MAGI2: variants seen among roughly 807,000 people sequenced by gnomAD.
The protein encoded by MAGI2 is membrane-associated guanylate kinase, WW and PDZ domain-containing protein 2.
MAGI2 carries 35 observed loss-of-function variants against 133.3 expected under a neutral mutation model. The observed-to-expected ratio is 0.26, with a 90% CI of 0.20 to 0.35. The LOEUF (loss-of-function observed/expected upper bound fraction) is 0.35, where lower values mean the gene tolerates loss of function less well. Among genes scored for constraint, MAGI2 ranks in the 10% least tolerant of loss-of-function variants. The pLI is 1.00. For synonymous variants in MAGI2, 729 were observed against 710.6 expected, an observed-to-expected ratio of 1.03 and a Z score of -0.41; for missense variants, 1,636 against 1,863.4, an observed-to-expected ratio of 0.88 and a Z score of 2.25.
intron 10 of MAGI2, among the ~76,000 whole-genome samples, chr7:78,224,711 T>C (rs1314224508): frequency 4.7e-5 from 7 of 149,178 alleles, no homozygotes; most frequent in East Asian, 4.0e-4. Context: ...TTTTTTTTTT[T>C]CACCAAATAG....
chr7:79,125,319 G>A, intron 1 of MAGI2: 1 of 463,100 alleles, frequency 2.2e-6, no homozygotes, highest in Non-Finnish European at 4.2e-6. Context: ...CCAGAGGTTG[G>A]CATGGTTCTG....
intron 1 of MAGI2, among the ~76,000 whole-genome samples, chr7:79,355,510 A>G (rs1841966511): frequency 6.6e-6 from 1 of 152,218 alleles, no homozygotes. Context: ...TTAAATTATA[A>G]CTACATTTAA....
At chr7:78,100,170 C>T (rs3807737) in intron 20 of MAGI2, among the ~76,000 whole-genome samples, 53,932 of 151,942 alleles carry the variant, frequency 0.35, 11,100 homozygotes, top group African/African-American at 0.58. Flanking sequence ...TACTTTGCGT[C>T]GCTTCCCACT....
chr7:79,219,127 C>A lies in MAGI2; in HGVS notation c.302-211921G>T, dbSNP rs185106232. Among the ~76,000 whole-genome samples the A allele has an allele frequency of 2.0e-3, 309 of 152,112 alleles. 2 individuals carry two copies. Among genetic ancestry groups the A allele is most frequent in the African/African-American group, 7.1e-3 (292 of 41,418 alleles). ...TGGTGTATTAGATGAGTTATTTCTACAATATTTAGAACACTGACTGGTATA... is the reference window on the plus strand; with the variant it reads ...TGGTGTATTAGATGAGTTATTTCTAAAATATTTAGAACACTGACTGGTATA... On this transcript the variant is annotated intron_variant, in intron 1 of 21. Transcript: ENST00000354212.
chr7:79,023,236 A>G (rs1244629102), intron 1 of MAGI2, among the ~76,000 whole-genome samples: 2 of 152,170 alleles, frequency 1.3e-5, no homozygotes, highest in East Asian at 3.9e-4. Context: ...ACAGAAAACA[A>G]CATGATTATA....
intron 1 of MAGI2, among the ~76,000 whole-genome samples, chr7:79,303,549 A>G (rs1837539859): frequency 6.6e-6 from 1 of 152,182 alleles, no homozygotes; most frequent in African/African-American, 2.4e-5. Context: ...AGTGAATTCT[A>G]GTAAATAGGA....
intron 1 of MAGI2, among the ~76,000 whole-genome samples, chr7:79,167,784 C>A (rs1825091913): frequency 6.6e-6 from 1 of 152,014 alleles, no homozygotes; most frequent in Non-Finnish European, 1.5e-5. Context: ...GGAACAGTCC[C>A]CCCAAAATCT....
chr7:78,294,607 TAG>T (rs1360598181), intron 9 of MAGI2, among the ~76,000 whole-genome samples: 1 of 152,156 alleles, frequency 6.6e-6, no homozygotes, highest in Non-Finnish European at 1.5e-5. Context: ...ACTTAGCAAA[TAG>T]AGTCTCTCTT....
chr7:79,411,412 T>C (rs2129171527), intron 1 of MAGI2: 1 of 152,136 alleles, frequency 6.6e-6, no homozygotes, highest in East Asian at 1.9e-4. Flanking sequence ...CATGGCAATG[T>C]GAAAACAACG....
intron 2 of MAGI2, among the ~76,000 whole-genome samples, chr7:79,005,037 G>A (rs927848074): frequency 1.3e-5 from 2 of 149,532 alleles, no homozygotes; most frequent in African/African-American, 4.9e-5. Context: ...AGCTGAGATC[G>A]CACCATTGCA....
chr7:78,416,563 C>CT (rs1798322353), intron 6 of MAGI2, among the ~76,000 whole-genome samples: 1 of 152,036 alleles, frequency 6.6e-6, no homozygotes, highest in African/African-American at 2.4e-5. Context: ...TTCTAAAACA[C>CT]TTTTTTGCCT....
chr7:78,884,034 G>A (rs1296356122), intron 2 of MAGI2, among the ~76,000 whole-genome samples: 2 of 152,118 alleles, frequency 1.3e-5, no homozygotes, highest in African/African-American at 2.4e-5. Flanking sequence ...GTGCTTTGGA[G>A]CAGCAAAAGA....
chr7:79,443,692 T>C (rs1206944308), intron 1 of MAGI2, among the ~76,000 whole-genome samples: 1 of 152,224 alleles, frequency 6.6e-6, no homozygotes. Flanking sequence ...TGTGATCTAT[T>C]AAGTGACAAT....
At chr7:78,626,804 A>T (rs1167541321) in intron 3 of MAGI2, among the ~76,000 whole-genome samples, 2 of 147,326 alleles carry the variant, frequency 1.4e-5, no homozygotes, top group Admixed American at 6.9e-5. Flanking sequence ...TAACCTCAGG[A>T]GACAAGCACA....
chr7:78,917,041 C>T lies in MAGI2; in HGVS notation c.418+90049G>A, dbSNP rs185046760. On this transcript the variant is annotated intron_variant, in intron 2 of 21. Transcript: ENST00000354212. ...AGATACCCAAAGGTAGGAAGACAGA[C>T]GTAATAAATTTCCAATTCAATTACT... Among the ~76,000 whole-genome samples, 8 of 152,082 alleles carry T rather than the reference C, an allele frequency of 5.3e-5. No homozygotes were observed. In the East Asian group the frequency reaches 5.8e-4, roughly 11 times the overall value.
At chr7:78,466,846 G>A (rs564387108) in intron 6 of MAGI2, among the ~76,000 whole-genome samples, 1 of 152,228 alleles carries the variant, frequency 6.6e-6, no homozygotes, top group African/African-American at 2.4e-5. Context: ...GTGGGATGGG[G>A]CAGAAATCCA....
At chr7:79,096,404 T>G (rs1817520481) in intron 1 of MAGI2, among the ~76,000 whole-genome samples, 1 of 152,156 alleles carries the variant, frequency 6.6e-6, no homozygotes, top group Admixed American at 6.5e-5. Flanking sequence ...GTGTACAGCT[T>G]CCTTCTATTG....
chr7:79,209,177 C>T (rs1460894825), intron 1 of MAGI2, among the ~76,000 whole-genome samples: 4 of 151,706 alleles, frequency 2.6e-5, no homozygotes, highest in African/African-American at 9.7e-5. Flanking sequence ...ATAAAGTGTT[C>T]TCACTATAAA....
chr7:78,867,714 A>AAGAAAGAG (rs1794691832), intron 2 of MAGI2, among the ~76,000 whole-genome samples: 1 of 151,870 alleles, frequency 6.6e-6, no homozygotes. Context: ...GAAAGAAAGA[A>AAGAAAGAG]AGAAAGAAAA....
Sources: gnomAD v4.1 joint callset for allele counts (sites outside exome capture counted in the v4.1 genomes callset) on GRCh38, gnomAD v4.1.1 for gene constraint, MANE v1.5 for transcripts, NCBI Gene and HGNC (gene_info 2026-07-23, HGNC 2026-07-21) for gene names.